Variants in ADD3 observed in about 807,000 individuals in gnomAD.
The protein encoded by ADD3 is gamma-adducin.
A neutral mutation model predicts 80.2 loss-of-function variants in ADD3; 25 were observed. The observed-to-expected ratio is 0.31, with a 90% CI of 0.23 to 0.44. The LOEUF (loss-of-function observed/expected upper bound fraction) is 0.44. ADD3 is among the 20% of genes least tolerant of loss of function. The pLI is 1.00. For missense variants in ADD3, 829 were observed against 847.5 expected, an observed-to-expected ratio of 0.98 and a Z score of 0.27; for synonymous variants, 284 against 289.6, an observed-to-expected ratio of 0.98 and a Z score of 0.20.
At chr10:110,081,181 A>T (rs1003532806) in intron 1 of ADD3, among the ~76,000 whole-genome samples, 1 of 152,228 alleles carries the variant, frequency 6.6e-6, no homozygotes, top group Non-Finnish European at 1.5e-5. Context: ...ATACTTTTCT[A>T]TAATCTGAGA....
At chr10:110,103,338 T>A (rs1849048879) in intron 2 of ADD3, among the ~76,000 whole-genome samples, 1 of 152,090 alleles carries the variant, frequency 6.6e-6, no homozygotes, top group Non-Finnish European at 1.5e-5. Context: ...GTTAGCTGAG[T>A]TTTTCTGGCT....
intron 1 of ADD3, among the ~76,000 whole-genome samples, chr10:110,066,199 T>C (rs1843935528): frequency 6.6e-6 from 1 of 152,176 alleles, no homozygotes; most frequent in African/African-American, 2.4e-5. Flanking sequence ...AGGGAGACTT[T>C]TTCCATTCAG....
rs909989130 is a variant in ADD3 at position 110,008,213 on chromosome 10, C to G, written c.-116C>G. ...GGCTCTGCGGCGCTTAAGAGGCGGCCGCAGCGGCGGATCCGGCGGCTGCTG... is the reference window on the plus strand; with the variant it reads ...GGCTCTGCGGCGCTTAAGAGGCGGCGGCAGCGGCGGATCCGGCGGCTGCTG... On this transcript the variant is annotated 5_prime_UTR_variant, in exon 1 of 15. Coordinates refer to ENST00000356080, the MANE Select transcript of ADD3 (RefSeq NM_016824.5). 1.3e-5 allele frequency: 2 copies of G among 152,324 alleles called. No homozygotes were observed. The highest frequency in any genetic ancestry group is 2.9e-5 in the Non-Finnish European group (2 of 68,146). 9.4% of individuals were successfully genotyped at this position (152,324 alleles called of 1,614,324 possible). A position where few individuals can be genotyped will look rare whatever the true frequency, so the allele number is the denominator to read the frequency against.
intron 1 of ADD3, among the ~76,000 whole-genome samples, chr10:110,030,508 A>G (rs1237481709): frequency 6.6e-6 from 1 of 151,228 alleles, no homozygotes; most frequent in African/African-American, 2.4e-5. Context: ...GGTAACCTAG[A>G]GATTTGTGAG....
upstream of ADD3, among the ~76,000 whole-genome samples, chr10:110,002,464 C>T (rs551811851): frequency 2.2e-4 from 33 of 151,956 alleles, no homozygotes; most frequent in Middle Eastern, 3.4e-3. Flanking sequence ...TTAGTAGAGA[C>T]GGGGTTTCAT....
chr10:110,118,674 A>G lies in ADD3; in HGVS notation c.655A>G (p.Ile219Val), dbSNP rs754629258. 2.3e-5 allele frequency: 37 copies of G among 1,613,954 alleles called. No homozygotes were observed. Among genetic ancestry groups the G allele is most frequent in the Admixed American group, 5.0e-5 (3 of 60,008 alleles). The part of the protein sequence containing the change: ...DHTGFSPHAA[I>V]YSTRPDVKCV... ...TACAGGATTCAGTCCCCATGCTGCAATCTATTCAACACGTCCTGATGTTAA... is the reference window on the plus strand; with the variant it reads ...TACAGGATTCAGTCCCCATGCTGCAGTCTATTCAACACGTCCTGATGTTAA... The change falls in exon 6 of 15, where the codon ATC becomes GTC. Residue 219 changes from isoleucine to valine, a missense_variant. Physicochemically the swap from Ile to Val is conservative, Grantham distance 29. Transcript: ENST00000356080.
At chr10:110,104,800 T>G (rs1312420655) in intron 2 of ADD3, among the ~76,000 whole-genome samples, 1 of 152,230 alleles carries the variant, frequency 6.6e-6, no homozygotes, top group African/African-American at 2.4e-5. Context: ...GATGCCTAAG[T>G]TATAGATGCA....
At chr10:110,029,133 C>T (rs1315867371) in intron 1 of ADD3, among the ~76,000 whole-genome samples, 1 of 152,228 alleles carries the variant, frequency 6.6e-6, no homozygotes, top group Non-Finnish European at 1.5e-5. Context: ...CCTGCCTCGG[C>T]CTCCCAAAGT....
At chr10:110,123,192 C>G (rs945529255) in intron 9 of ADD3, among the ~76,000 whole-genome samples, 1 of 152,124 alleles carries the variant, frequency 6.6e-6, no homozygotes, top group African/African-American at 2.4e-5. Flanking sequence ...GTACAGATAC[C>G]TCTTTGACAT....
intron 1 of ADD3, among the ~76,000 whole-genome samples, chr10:110,059,421 G>C (rs767404355): frequency 1.7e-4 from 26 of 151,232 alleles, no homozygotes; most frequent in Non-Finnish European, 3.1e-4. Flanking sequence ...GCAGTGAGCT[G>C]AGTGCGCGCT....
Position 110,038,551 on chromosome 10 carries a change from T to A in ADD3, c.-30+30252T>A, listed in dbSNP as rs188548659. 1.5e-3 allele frequency among the ~76,000 whole-genome samples: 235 copies of A among 152,364 alleles called. 2 individuals carry two copies. Among genetic ancestry groups the A allele is most frequent in the African/African-American group, 5.5e-3 (230 of 41,580 alleles). ...AATCTGTCTTATTATTAACTGTTCT[T>A]TTTAAACAGATATAAAAGCCTGTCT... is the stretch of plus-strand genomic sequence containing the variant. On this transcript the variant is annotated intron_variant, in intron 1 of 14. Coordinates refer to ENST00000356080, the MANE Select transcript of ADD3 (RefSeq NM_016824.5).
intron 1 of ADD3, among the ~76,000 whole-genome samples, chr10:110,035,704 T>A (rs1389805556): frequency 6.6e-6 from 1 of 152,176 alleles, no homozygotes; most frequent in Non-Finnish European, 1.5e-5. Context: ...CACCCCATAC[T>A]TTGATTCTTT....
At chr10:110,040,263 T>C (rs1856143981) in intron 1 of ADD3, among the ~76,000 whole-genome samples, 1 of 152,134 alleles carries the variant, frequency 6.6e-6, no homozygotes, top group Admixed American at 6.6e-5. Context: ...TGGGTGAGAA[T>C]ATACTTAGTG....
intron 1 of ADD3, among the ~76,000 whole-genome samples, chr10:110,033,634 A>G (rs932784309): frequency 6.6e-6 from 1 of 152,236 alleles, no homozygotes; most frequent in Admixed American, 6.5e-5. Context: ...ATAGTTACTT[A>G]AAAACCAGTT....
intron 1 of ADD3, among the ~76,000 whole-genome samples, chr10:110,031,438 C>A (rs1855016344): frequency 6.6e-6 from 1 of 152,186 alleles, no homozygotes; most frequent in Non-Finnish European, 1.5e-5. Context: ...TACATTGTGA[C>A]TTTGCTCTGG....
intron 3 of ADD3, among the ~76,000 whole-genome samples, chr10:110,113,195 TTG>T (rs1850270226): frequency 6.6e-6 from 1 of 152,164 alleles, no homozygotes; most frequent in Non-Finnish European, 1.5e-5. Flanking sequence ...GGAGAAATGC[TTG>T]AGCCCAGGAG....
intron 1 of ADD3, among the ~76,000 whole-genome samples, chr10:110,053,430 A>G (rs112410124): frequency 1.1e-4 from 13 of 121,878 alleles, no homozygotes; most frequent in Admixed American, 7.3e-5. Flanking sequence ...GGTCATCTCT[A>G]TGTGTTTAAA....
intron 1 of ADD3, chr10:110,016,604 C>G (rs1327045881): frequency 1.3e-5 from 2 of 152,180 alleles, no homozygotes; most frequent in African/African-American, 4.8e-5. Flanking sequence ...GCAAACAAAT[C>G]ATTTGCCTAA....
At chr10:110,101,758 A>G (rs1260974584) in intron 2 of ADD3, among the ~76,000 whole-genome samples, 1 of 152,226 alleles carries the variant, frequency 6.6e-6, no homozygotes, top group African/African-American at 2.4e-5. Flanking sequence ...AAATGTATTA[A>G]TACATGATGG....
Sources: allele counts gnomAD v4.1 joint callset (sites outside exome capture counted in the v4.1 genomes callset), GRCh38; gene constraint gnomAD v4.1.1; transcripts MANE v1.5; gene names NCBI Gene and HGNC (gene_info 2026-07-23, HGNC 2026-07-21).